The following SRPK1 variants were observed in gnomAD, a reference collection of about 807,000 sequenced individuals.
SRPK1 encodes the protein SFRS protein kinase 1.
SRPK1 carries 52 observed loss-of-function variants against 89.5 expected under a neutral mutation model. The ratio of observed to expected loss-of-function variants is 0.58; its 90% CI spans 0.46 to 0.73. The LOEUF is 0.73. Among genes scored for constraint, SRPK1 ranks in the 30% least tolerant of loss-of-function variants. SRPK1 has a pLI of 0.00. For synonymous variants in SRPK1, 255 were observed against 270.2 expected (o/e 0.94, Z 0.55); for missense variants, 603 against 780.6 (o/e 0.77, Z 2.71).
rs201178796 is a variant in SRPK1 at position 35,867,161 on chromosome 6, TA to T, written c.1512+1848del. Among the ~76,000 whole-genome samples the T allele has an allele frequency of 6.1e-5, 9 of 148,364 alleles. No homozygotes were observed. In the East Asian group the frequency reaches 1.2e-3, roughly 19 times the overall value. On this transcript the variant is annotated intron_variant, in intron 12 of 15. Transcript: ENST00000373825. ...TTATACCTCATGAACATATACAAAT[TA>T]AAAAAAAAAGTATCACTCTGATAGA... is the stretch of plus-strand genomic sequence containing the variant.
rs777456269 is a variant in SRPK1 at position 35,857,253 on chromosome 6, A to C, written c.1620+8T>G. 3 of 1,605,206 alleles carry C rather than the reference A, an allele frequency of 1.9e-6. No individual in the cohort carries two copies. The highest frequency in any genetic ancestry group is 4.5e-5 in the East Asian group (2 of 44,786). On this transcript the variant is annotated splice_region_variant and intron_variant, in intron 13 of 15. Coordinates refer to ENST00000373825, the MANE Select transcript of SRPK1 (RefSeq NM_003137.5). ...TAACAAGTGAAAGCCAAGGGGAAAA[A>C]ACATTACCATGCATGCCGTGCTCCA...
intron 5 of SRPK1, 113 bp from the exon 6 acceptor site, chr6:35,886,924 T>G (rs2127256414): frequency 1.6e-6 from 1 of 623,748 alleles, no homozygotes; most frequent in South Asian, 2.1e-5. Context: ...CACATAAATC[T>G]ATTTTTAAAA....
chr6:35,920,932 C>A, intron 1 of SRPK1, 112 bp downstream of exon 1: 4 of 1,243,916 alleles, frequency 3.2e-6, no homozygotes, highest in East Asian at 3.1e-5. Context: ...AGTGGAGGGG[C>A]GCCGCACGTC....
At chr6:35,913,254 A>G (rs966406780) in intron 2 of SRPK1, among the ~76,000 whole-genome samples, 2 of 152,262 alleles carry the variant, frequency 1.3e-5, no homozygotes, top group Non-Finnish European at 2.9e-5. Flanking sequence ...GAGGAAGAAG[A>G]GAACAAAATA....
chr6:35,833,543 T>G lies in SRPK1; in HGVS notation c.*1761A>C, dbSNP rs2151075719. 1 of 152,774 alleles carries G rather than the reference T, an allele frequency of 6.5e-6. No individual in the cohort carries two copies. Among genetic ancestry groups the G allele is most frequent in the Non-Finnish European group, 1.5e-5 (1 of 68,038 alleles). The allele number at this position is 152,774 out of a possible 1,614,324, so 9.5% of individuals were successfully genotyped here. On this transcript the variant is annotated 3_prime_UTR_variant, in exon 16 of 16. Transcript: ENST00000373825. The stretch of plus-strand genomic sequence containing the variant: ...GCTGAAGGATTTCCCTGCCGTTGTT[T>G]GATACAATCTATTCTCTTGATTCTT...
chr6:35,875,085 A>G (rs1356414721), intron 6 of SRPK1, among the ~76,000 whole-genome samples: 2 of 152,200 alleles, frequency 1.3e-5, no homozygotes, highest in African/African-American at 4.8e-5. Flanking sequence ...AGACTTTAAC[A>G]TTCTCCATTA....
chr6:35,908,730 A>G (rs1370787764), intron 2 of SRPK1, among the ~76,000 whole-genome samples: 4 of 152,222 alleles, frequency 2.6e-5, no homozygotes. Context: ...TCACCAAGAC[A>G]ATAGAGAAAA....
chr6:35,904,391 G>A (rs7747733), intron 2 of SRPK1, among the ~76,000 whole-genome samples: 403 of 152,226 alleles, frequency 2.6e-3, no homozygotes, highest in African/African-American at 9.4e-3. Context: ...GAGGGAACTT[G>A]CAACAGTCAG....
At chr6:35,895,444 TG>T (rs1330114035) in intron 2 of SRPK1, among the ~76,000 whole-genome samples, 6 of 151,744 alleles carry the variant, frequency 4.0e-5, no homozygotes, top group Non-Finnish European at 8.8e-5. Context: ...CTTGTGTGTG[TG>T]TGTGTGTGTG....
chr6:35,910,512 G>A (rs1770937982), intron 2 of SRPK1, among the ~76,000 whole-genome samples: 1 of 152,226 alleles, frequency 6.6e-6, no homozygotes, highest in South Asian at 2.1e-4. Context: ...AGGTAAAGCA[G>A]TGAGTGCTGA....
rs1422232316 is a variant in SRPK1 at position 35,834,396 on chromosome 6, A to G, written c.*908T>C. The G allele has an allele frequency of 6.6e-6, 1 of 152,212 alleles. No homozygotes were observed. The highest frequency in any genetic ancestry group is 1.5e-5 in the Non-Finnish European group (1 of 68,026). The allele number at this position is 152,212 out of a possible 1,614,324, so 9.4% of individuals were successfully genotyped here. A position where few individuals can be genotyped will look rare whatever the true frequency, so the allele number is the denominator to read the frequency against. On this transcript the variant is annotated 3_prime_UTR_variant, in exon 16 of 16. Transcript: ENST00000373825. ...GAATCTCAAGATCTATTTTTCTTAA[A>G]TGGGAAAGCTCTGAAACCCAGATCT...
At chr6:35,857,466 TTTCCCAAAC>T in intron 12 of SRPK1, 98 bp from the exon 13 acceptor site, 1 of 999,908 alleles carries the variant, frequency 1.0e-6, no homozygotes, top group Non-Finnish European at 1.5e-6. Flanking sequence ...CTCTGAAGTT[TTTCCCAAAC>T]CAAAGTTCTC....
chr6:35,835,891 T>C (rs1346251358), intron 15 of SRPK1, among the ~76,000 whole-genome samples: 1 of 152,118 alleles, frequency 6.6e-6, no homozygotes, highest in African/African-American at 2.4e-5. Flanking sequence ...TTTGTGTATG[T>C]GCTCAATAGT....
chr6:35,880,271 G>C (rs1287080445), intron 6 of SRPK1, among the ~76,000 whole-genome samples: 1 of 152,032 alleles, frequency 6.6e-6, no homozygotes, highest in Non-Finnish European at 1.5e-5. Flanking sequence ...ATTTGGGTAG[G>C]CAGAAGAAAG....
At chr6:35,892,634 A>G (rs556859757) in intron 2 of SRPK1, among the ~76,000 whole-genome samples, 1 of 150,442 alleles carries the variant, frequency 6.6e-6, no homozygotes, top group Middle Eastern at 3.4e-3. Flanking sequence ...CCTGGGCAAC[A>G]GGGCAAGATT....
At position 35,835,181 on chromosome 6, in the gene SRPK1, A is replaced by AG; in HGVS notation, c.*122_*123insC. ...ACCCAAATGAACATGTTGGATTAAAAAAAAAACAAGATCTAGAAACTCTTG... is the reference window on the plus strand; with the variant it reads ...ACCCAAATGAACATGTTGGATTAAAAGAAAAAACAAGATCTAGAAACTCTTG... On this transcript the variant is annotated 3_prime_UTR_variant, in exon 16 of 16. Coordinates refer to ENST00000373825, the MANE Select transcript of SRPK1 (RefSeq NM_003137.5). The AG allele has an allele frequency of 3.1e-6, 3 of 959,864 alleles. No homozygotes were observed. Among genetic ancestry groups the AG allele is most frequent in the Non-Finnish European group, 4.5e-6 (3 of 671,302 alleles). 59.5% of individuals were successfully genotyped at this position (959,864 alleles called of 1,614,324 possible). A position where few individuals can be genotyped will look rare whatever the true frequency, so the allele number is the denominator to read the frequency against.
rs1454912722 is a variant in SRPK1, at chr6:35,874,302, C to G, written c.516G>C (p.Leu172=). The G allele has an allele frequency of 1.2e-6, 2 of 1,613,206 alleles. No homozygotes were observed. The highest frequency in any genetic ancestry group is 2.2e-5 in the South Asian group (2 of 90,870). The stretch of plus-strand genomic sequence containing the variant: ...AATTGGATTTGATGATCCACTTGAG[C>G]AGATGATGCCCCAAAACTTCAAATA... ...CMVFEVLGHH[L]LKWIIKSNYQ... Residue 172 remains leucine (L), a synonymous_variant, in exon 7 of 16, where the codon CTG becomes CTC. Coordinates refer to ENST00000373825, the MANE Select transcript of SRPK1 (RefSeq NM_003137.5).
At chr6:35,882,928 C>T (rs1004452742) in intron 6 of SRPK1, among the ~76,000 whole-genome samples, 3 of 152,148 alleles carry the variant, frequency 2.0e-5, no homozygotes, top group African/African-American at 7.2e-5. Context: ...CCTACCTCAG[C>T]CTCCCAAGTA....
intron 12 of SRPK1, among the ~76,000 whole-genome samples, chr6:35,858,724 CA>C: frequency 6.6e-6 from 1 of 151,520 alleles, no homozygotes; most frequent in African/African-American, 2.4e-5. Flanking sequence ...ATGTACTCTA[CA>C]AAAAAGATGA....
Sources: allele counts gnomAD v4.1 joint callset (sites outside exome capture counted in the v4.1 genomes callset), GRCh38; gene constraint gnomAD v4.1.1; transcripts MANE v1.5; gene names NCBI Gene and HGNC (gene_info 2026-07-23, HGNC 2026-07-21).